The following BRINP3 variants were observed in gnomAD, a reference collection of about 807,000 sequenced individuals.
BRINP3 encodes BMP/retinoic acid inducible neural specific 3.
In BRINP3, 19 loss-of-function variants were observed where a neutral mutation model predicts 71.0. That is an observed-to-expected ratio of 0.27 (90% CI 0.19 to 0.39). The LOEUF (loss-of-function observed/expected upper bound fraction) is 0.39, where lower values mean the gene tolerates loss of function less well. Among genes scored for constraint, BRINP3 ranks in the 10% least tolerant of loss-of-function variants. The probability of loss-of-function intolerance (pLI) is 1.00; values close to 1 mark genes in which losing one functional copy is unlikely to be tolerated. For missense variants in BRINP3, 959 were observed against 940.8 expected (o/e 1.02, Z -0.25); for synonymous variants, 380 against 337.7 (o/e 1.13, Z -1.37).
At chr1:190,184,168 C>A (rs1326612584) in intron 6 of BRINP3, among the ~76,000 whole-genome samples, 1 of 152,108 alleles carries the variant, frequency 6.6e-6, no homozygotes, top group Non-Finnish European at 1.5e-5. Flanking sequence ...CTCTGCACTT[C>A]TTAAAGTCTC....
At chr1:190,202,379 C>A (rs1655081824) in intron 6 of BRINP3, among the ~76,000 whole-genome samples, 1 of 152,138 alleles carries the variant, frequency 6.6e-6, no homozygotes, top group Non-Finnish European at 1.5e-5. Flanking sequence ...TTTGATTTCA[C>A]AGGATCATAG....
intron 2 of BRINP3, among the ~76,000 whole-genome samples, chr1:190,391,881 G>A (rs1027126623): frequency 2.0e-5 from 3 of 151,628 alleles, no homozygotes; most frequent in Non-Finnish European, 4.4e-5. Context: ...TTCAATACCC[G>A]AAGGGAGACA....
Position 190,454,784 on chromosome 1 carries a change from G to C in BRINP3, c.107C>G (p.Ser36Trp). ...GAAGGGGCTTGTGGCATGCTGATCC[G>C]AAACAGCAGCAACCGCTAAAACCCA... ...HCWVLAVAAV[S>W]DQHATSPFDW... The change falls in exon 2 of 8, where the codon TCG becomes TGG. Residue 36 changes from serine to tryptophan, a missense_variant. Coordinates refer to ENST00000367462, the MANE Select transcript of BRINP3 (RefSeq NM_199051.3). 1.2e-6 allele frequency: 2 copies of C among 1,614,136 alleles called. No individual in the cohort carries two copies. The highest frequency in any genetic ancestry group is 1.7e-6 in the Non-Finnish European group (2 of 1,180,024).
chr1:190,443,022 C>T (rs1219184342), intron 2 of BRINP3, among the ~76,000 whole-genome samples: 1 of 150,218 alleles, frequency 6.7e-6, no homozygotes, highest in East Asian at 2.0e-4. Flanking sequence ...AAGTGATTCT[C>T]CTGCCTCGGC....
At chr1:190,407,423 A>G (rs1366863748) in intron 2 of BRINP3, among the ~76,000 whole-genome samples, 2 of 152,092 alleles carry the variant, frequency 1.3e-5, no homozygotes, top group East Asian at 3.9e-4. Flanking sequence ...CATCAACTCC[A>G]CCTCAGTATA....
chr1:190,302,930 T>A (rs1248138407), intron 2 of BRINP3: 2 of 151,802 alleles, frequency 1.3e-5, no homozygotes, highest in Non-Finnish European at 3.0e-5. Flanking sequence ...TAATAATCTT[T>A]AAAGTATAGA....
intron 2 of BRINP3, among the ~76,000 whole-genome samples, chr1:190,388,884 A>G (rs1303583226): frequency 6.6e-6 from 1 of 151,750 alleles, no homozygotes; most frequent in Non-Finnish European, 1.5e-5. Context: ...TAAATACAGA[A>G]TGCTTGATAT....
intron 2 of BRINP3, among the ~76,000 whole-genome samples, chr1:190,394,585 A>C (rs1671451575): frequency 6.6e-6 from 1 of 151,604 alleles, no homozygotes; most frequent in South Asian, 2.1e-4. Context: ...CCCTTAAAAT[A>C]TCACATATCT....
At chr1:190,338,685 T>C (rs924733969) in intron 2 of BRINP3, among the ~76,000 whole-genome samples, 2 of 151,978 alleles carry the variant, frequency 1.3e-5, no homozygotes, top group Non-Finnish European at 2.9e-5. Flanking sequence ...AGTATTTTTT[T>C]TTCCTAGTGG....
intron 7 of BRINP3, among the ~76,000 whole-genome samples, chr1:190,150,738 CTT>C (rs1413595702): frequency 6.6e-6 from 1 of 152,068 alleles, no homozygotes. Flanking sequence ...TGAGAAAACA[CTT>C]TGAGTTATTC....
At chr1:190,420,021 A>G (rs1673269224) in intron 2 of BRINP3, among the ~76,000 whole-genome samples, 1 of 152,000 alleles carries the variant, frequency 6.6e-6, no homozygotes, top group Non-Finnish European at 1.5e-5. Flanking sequence ...GTAGATTCAT[A>G]TTTATAACAA....
intron 7 of BRINP3, among the ~76,000 whole-genome samples, chr1:190,123,673 T>C (rs1653864630): frequency 6.6e-6 from 1 of 152,170 alleles, no homozygotes; most frequent in Non-Finnish European, 1.5e-5. Flanking sequence ...ATATTGATTG[T>C]TTTCTAAATT....
rs1366019015 is a variant in BRINP3, at chr1:190,281,770, T to G, written c.237-20A>C. On this transcript the variant is annotated intron_variant, in intron 2 of 7. Coordinates refer to ENST00000367462, the MANE Select transcript of BRINP3 (RefSeq NM_199051.3). ...AACTCCCTGAAAAGCAAATTTATTT[T>G]TATTCATAAATGCATAATCTATCTG... is the stretch of plus-strand genomic sequence containing the variant. 6.3e-7 allele frequency: 1 copy of G among 1,599,398 alleles called. No individual in the cohort carries two copies. The highest frequency in any genetic ancestry group is 2.2e-5 in the East Asian group (1 of 44,614).
chr1:190,447,349 T>TTA (rs199554405), intron 2 of BRINP3, among the ~76,000 whole-genome samples: 17,219 of 144,302 alleles, frequency 0.12, 1,092 homozygotes, highest in Admixed American at 0.16. Flanking sequence ...TTTGAACATC[T>TTA]TATATATATA....
At chr1:190,284,326 A>C (rs1663260152) in intron 2 of BRINP3, among the ~76,000 whole-genome samples, 2 of 152,160 alleles carry the variant, frequency 1.3e-5, no homozygotes. Context: ...ATTCAAAGAA[A>C]ATATTGTTTA....
At chr1:190,473,539 TC>T (rs1374173704) in intron 1 of BRINP3, among the ~76,000 whole-genome samples, 1 of 127,488 alleles carries the variant, frequency 7.8e-6, no homozygotes, top group African/African-American at 2.7e-5. Flanking sequence ...GTAATTTTTC[TC>T]TTTTTTTTTT....
rs540323717 is a variant in BRINP3 at position 190,142,550 on chromosome 1, TA to T, written c.1184+18117del. ...CTCTGTTTTTACAGAAAATGCCAGG[TA>T]CAAAGGTATAGTTTATCTTGGATAC... On this transcript the variant is annotated intron_variant, in intron 7 of 7. Coordinates refer to ENST00000367462, the MANE Select transcript of BRINP3 (RefSeq NM_199051.3). Among the ~76,000 whole-genome samples the T allele has an allele frequency of 6.2e-4, 94 of 152,290 alleles. No individual in the cohort carries two copies. The South Asian group carries it at 0.018, about 30-fold the overall frequency.
intron 4 of BRINP3, among the ~76,000 whole-genome samples, chr1:190,243,674 G>A (rs1659323390): frequency 1.3e-5 from 2 of 152,056 alleles, no homozygotes; most frequent in South Asian, 4.1e-4. Flanking sequence ...TCAGGGCTGT[G>A]GCATTTCCCT....
chr1:190,290,719 C>G (rs1015520921), intron 2 of BRINP3, among the ~76,000 whole-genome samples: 1 of 152,062 alleles, frequency 6.6e-6, no homozygotes, highest in East Asian at 1.9e-4. Flanking sequence ...CTTTTTATCT[C>G]CTTGTGATAA....
Sources: allele counts gnomAD v4.1 joint callset (sites outside exome capture counted in the v4.1 genomes callset), GRCh38; gene constraint gnomAD v4.1.1; transcripts MANE v1.5; gene names NCBI Gene and HGNC (gene_info 2026-07-23, HGNC 2026-07-21).